The following SPTLC1 variants were observed in gnomAD, a reference collection of about 807,000 sequenced individuals.
SPTLC1 encodes serine palmitoyltransferase 1.
In SPTLC1, 55 loss-of-function variants were observed where a neutral mutation model predicts 68.9. The observed-to-expected ratio is 0.80, with a 90% confidence interval of 0.64 to 1.00. The LOEUF is 1.00. Among genes scored for constraint, SPTLC1 ranks in the 50% least tolerant of loss-of-function variants. SPTLC1 has a pLI of 0.00. For synonymous variants in SPTLC1, 197 were observed against 201.6 expected (o/e 0.98, Z 0.19); for missense variants, 449 against 573.1 (o/e 0.78, Z 2.21).
chr9:92,031,589 C>A lies in SPTLC1; in HGVS notation c.*876G>T, dbSNP rs973470004. On this transcript the variant is annotated 3_prime_UTR_variant, in exon 15 of 15. Coordinates refer to ENST00000262554, the MANE Select transcript of SPTLC1 (RefSeq NM_006415.4). ...TCTTTTTCCTTGGCTTAGTAAAAGC[C>A]TGTAGTTACACGTCCCTAGGCAAAC... 2 of 152,106 alleles carry A rather than the reference C, an allele frequency of 1.3e-5. No homozygotes were observed. The highest frequency in any genetic ancestry group is 2.9e-5 in the Non-Finnish European group (2 of 67,978). 9.4% of individuals were successfully genotyped at this position (152,106 alleles called of 1,614,324 possible). A position where few individuals can be genotyped will look rare whatever the true frequency, so the allele number is the denominator to read the frequency against.
intron 3 of SPTLC1, among the ~76,000 whole-genome samples, chr9:92,083,216 T>C (rs908047302): frequency 1.4e-4 from 22 of 152,228 alleles, no homozygotes; most frequent in Non-Finnish European, 2.1e-4. Context: ...TGGTAGTTTC[T>C]TTTGCTGTGC....
At chr9:92,050,161 G>T in intron 8 of SPTLC1, 94 bp from the exon 9 acceptor site, 1 of 807,866 alleles carries the variant, frequency 1.2e-6, no homozygotes, top group Non-Finnish European at 2.1e-6. Flanking sequence ...ATGTACAGCT[G>T]ACTCTCAATA....
rs910348618 is a variant in SPTLC1, at chr9:92,032,702, C to T, written c.1329-144G>A. ...CCATCCTGGCTAACACAGTGAAACC[C>T]CATCTCTGCTAAAAATACCAAAAAA... On this transcript the variant is annotated intron_variant, in intron 14 of 14. Coordinates refer to ENST00000262554, the MANE Select transcript of SPTLC1 (RefSeq NM_006415.4). The T allele has an allele frequency of 1.3e-5, 14 of 1,113,828 alleles. No homozygotes were observed. In the East Asian group the frequency reaches 3.2e-4, roughly 26 times the overall value. 69.0% of individuals were successfully genotyped at this position (1,113,828 alleles called of 1,614,324 possible).
chr9:92,051,586 C>T (rs1302054125), intron 8 of SPTLC1, among the ~76,000 whole-genome samples: 1 of 152,166 alleles, frequency 6.6e-6, no homozygotes, highest in Non-Finnish European at 1.5e-5. Context: ...TCATTTTCGC[C>T]ACCTGTAGTC....
chr9:92,079,136 C>G (rs1834785944), intron 5 of SPTLC1: 2 of 507,132 alleles, frequency 3.9e-6, no homozygotes, highest in Non-Finnish European at 5.3e-6. Context: ...AGTGCAGTGG[C>G]ATGATCTCGG....
In SPTLC1 at chr9:92,031,425, G is replaced by A. The variant is rs1832962551; in HGVS notation, c.*1040C>T. On this transcript the variant is annotated 3_prime_UTR_variant, in exon 15 of 15. Coordinates refer to ENST00000262554, the MANE Select transcript of SPTLC1 (RefSeq NM_006415.4). ...CATAATATTTATATGCTATATTGTG[G>A]CACGTATAACAAACCTTTACACCAC... 1 of 152,116 alleles carries A rather than the reference G, an allele frequency of 6.6e-6. No individual in the cohort carries two copies. Among genetic ancestry groups the A allele is most frequent in the Non-Finnish European group, 1.5e-5 (1 of 67,992 alleles). 9.4% of individuals were successfully genotyped at this position (152,116 alleles called of 1,614,324 possible). A position where few individuals can be genotyped will look rare whatever the true frequency, so the allele number is the denominator to read the frequency against.
At chr9:92,086,001 CTTCT>C (rs1365509978) in intron 3 of SPTLC1, among the ~76,000 whole-genome samples, 3 of 151,872 alleles carry the variant, frequency 2.0e-5, no homozygotes, top group Non-Finnish European at 4.4e-5. Flanking sequence ...ATGTAATGGC[CTTCT>C]TTGTCTCTTT....
intron 2 of SPTLC1, chr9:92,110,535 G>A (rs1836191575): frequency 6.6e-6 from 1 of 152,118 alleles, no homozygotes; most frequent in Admixed American, 6.5e-5. Context: ...TAAATTAAAT[G>A]ATTTCGACTC....
intron 8 of SPTLC1, 47 bp from the exon 9 acceptor site, chr9:92,050,114 G>T: frequency 8.3e-7 from 1 of 1,203,920 alleles, no homozygotes; most frequent in Non-Finnish European, 1.2e-6. Flanking sequence ...GCACCATATA[G>T]AACATATTAT....
At chr9:92,089,379 C>G (rs1028153235) in intron 3 of SPTLC1, among the ~76,000 whole-genome samples, 1 of 152,128 alleles carries the variant, frequency 6.6e-6, no homozygotes, top group African/African-American at 2.4e-5. Flanking sequence ...TGCCACTGCA[C>G]TCCAGCCTGC....
intron 2 of SPTLC1, 99 bp from the exon 3 acceptor site, chr9:92,108,933 A>G (rs1836115824): frequency 6.4e-7 from 1 of 1,557,760 alleles, no homozygotes. Context: ...AATTCTACTA[A>G]CTATTCTCAA....
chr9:92,038,243 C>T lies in SPTLC1; in HGVS notation c.1254+5G>A, dbSNP rs1172975901. 1 of 1,586,420 alleles carries T rather than the reference C, an allele frequency of 6.3e-7. No individual in the cohort carries two copies. Among genetic ancestry groups the T allele is most frequent in the Non-Finnish European group, 8.7e-7 (1 of 1,155,484 alleles). On this transcript the variant is annotated splice_donor_5th_base_variant and intron_variant, in intron 13 of 14. Coordinates refer to ENST00000262554, the MANE Select transcript of SPTLC1 (RefSeq NM_006415.4). ...GGGGGATGCCTCAAGTCAACGGATACTTACTTGATCTACAATTTCCTGAAG... is the reference window on the plus strand; with the variant it reads ...GGGGGATGCCTCAAGTCAACGGATATTTACTTGATCTACAATTTCCTGAAG...
At chr9:92,094,509 C>T (rs1587597468) in intron 3 of SPTLC1, among the ~76,000 whole-genome samples, 2 of 152,272 alleles carry the variant, frequency 1.3e-5, no homozygotes, top group Middle Eastern at 6.8e-3. Flanking sequence ...GTCACTGATA[C>T]CACAAGTTTT....
chr9:92,105,988 A>G (rs1201187002), intron 3 of SPTLC1, among the ~76,000 whole-genome samples: 1 of 136,304 alleles, frequency 7.3e-6, no homozygotes, highest in Non-Finnish European at 1.6e-5. Context: ...AGTGAGGAGC[A>G]CTTCTGCCCA....
Position 92,032,453 on chromosome 9 carries a change from C to T in SPTLC1, c.*12G>A, listed in dbSNP as rs1455113909. The T allele has an allele frequency of 2.5e-6, 4 of 1,614,036 alleles. No individual in the cohort carries two copies. The highest frequency in any genetic ancestry group is 2.7e-5 in the African/African-American group (2 of 74,916). On this transcript the variant is annotated 3_prime_UTR_variant, in exon 15 of 15. Transcript: ENST00000262554. ...TGTTGTGTGGCAGGAGGCCATGGTC[C>T]CGGGACTCTGCCTAGAGCAGGACGG...
chr9:92,094,268 G>T, intron 3 of SPTLC1, among the ~76,000 whole-genome samples: 1 of 152,186 alleles, frequency 6.6e-6, no homozygotes, highest in East Asian at 1.9e-4. Context: ...CTGAATCTAA[G>T]ATGTCATCAA....
chr9:92,067,761 T>C (rs1834345001), intron 6 of SPTLC1, among the ~76,000 whole-genome samples: 1 of 152,214 alleles, frequency 6.6e-6, no homozygotes, highest in Admixed American at 6.5e-5. Flanking sequence ...ATAATTACCA[T>C]GGCAGATAAA....
intron 3 of SPTLC1, among the ~76,000 whole-genome samples, chr9:92,086,375 T>C (rs1197314591): frequency 6.6e-6 from 1 of 152,260 alleles, no homozygotes; most frequent in Non-Finnish European, 1.5e-5. Flanking sequence ...TTGCAGTGAC[T>C]GGTACCGGTT....
chr9:92,063,113 C>T (rs961266200), intron 6 of SPTLC1, among the ~76,000 whole-genome samples: 59 of 152,246 alleles, frequency 3.9e-4, no homozygotes, highest in African/African-American at 1.3e-3. Context: ...ATAAAATTGA[C>T]AGACCTCTAA....
Sources: gnomAD v4.1 joint callset for allele counts (sites outside exome capture counted in the v4.1 genomes callset) on GRCh38, gnomAD v4.1.1 for gene constraint, MANE v1.5 for transcripts, NCBI Gene and HGNC (gene_info 2026-07-23, HGNC 2026-07-21) for gene names.